TRAK2: variants seen among roughly 807,000 people sequenced by gnomAD.
The protein encoded by TRAK2 is trafficking kinesin protein 2.
A neutral mutation model predicts 104.6 loss-of-function variants in TRAK2; 81 were observed. The ratio of observed to expected loss-of-function variants is 0.77; its 90% CI spans 0.65 to 0.93. TRAK2 has a LOEUF of 0.93. Among genes scored for constraint, TRAK2 ranks in the 40% least tolerant of loss-of-function variants. The pLI is 0.00. For synonymous variants in TRAK2, 406 were observed against 394.4 expected (o/e 1.03, Z -0.35); for missense variants, 1,002 against 1,089.0 (o/e 0.92, Z 1.12).
intron 1 of TRAK2, among the ~76,000 whole-genome samples, chr2:201,429,740 G>T (rs1456224418): frequency 6.6e-6 from 1 of 152,160 alleles, no homozygotes; most frequent in Non-Finnish European, 1.5e-5. Context: ...TCTCTATGCT[G>T]TTTATTCTAG....
intron 1 of TRAK2, among the ~76,000 whole-genome samples, chr2:201,438,855 G>T (rs1047432064): frequency 2.6e-5 from 4 of 152,182 alleles, no homozygotes; most frequent in Non-Finnish European, 5.9e-5. Context: ...TGTGTGTGTT[G>T]TATGTACATC....
In TRAK2 at chr2:201,380,326, C is replaced by G; in HGVS notation, c.*217G>C. 1.7e-6 allele frequency: 1 copy of G among 585,334 alleles called. No homozygotes were observed. Among genetic ancestry groups the G allele is most frequent in the Non-Finnish European group, 3.0e-6 (1 of 330,450 alleles). The allele number at this position is 585,334 out of a possible 1,614,324, so 36.3% of individuals were successfully genotyped here. A position where few individuals can be genotyped will look rare whatever the true frequency, so the allele number is the denominator to read the frequency against. On this transcript the variant is annotated 3_prime_UTR_variant, in exon 16 of 16. Transcript: ENST00000332624. ...TATATTAAACCTTTCTTTTCTCCCTCTGAACACTCATGGCCCATTCATTTA... is the reference window on the plus strand; with the variant it reads ...TATATTAAACCTTTCTTTTCTCCCTGTGAACACTCATGGCCCATTCATTTA...
At chr2:201,422,024 T>C (rs1247725718) in intron 1 of TRAK2, among the ~76,000 whole-genome samples, 1 of 133,342 alleles carries the variant, frequency 7.5e-6, no homozygotes, top group Non-Finnish European at 1.5e-5. Context: ...TACTCCAGCC[T>C]GGGTGACAGA....
intron 11 of TRAK2, 76 bp from the exon 12 acceptor site, chr2:201,389,579 C>T: frequency 9.8e-6 from 14 of 1,428,020 alleles, no homozygotes; most frequent in Non-Finnish European, 1.1e-5. Context: ...TATGTGCAGT[C>T]CATCAGAAAT....
rs747475851 is a variant in TRAK2, at chr2:201,381,189, C to A, written c.2099G>T (p.Ser700Ile). 1.8e-5 allele frequency: 29 copies of A among 1,610,738 alleles called. No homozygotes were observed. The South Asian group carries it at 3.1e-4, about 17-fold the overall frequency. Residue 700 changes from serine to isoleucine, a missense_variant, in exon 16 of 16, where the codon AGT becomes ATT. Ser to Ile is a moderately radical substitution (Grantham distance 142). Coordinates refer to ENST00000332624, the MANE Select transcript of TRAK2 (RefSeq NM_015049.3). ...SSGFPSLSCG[S>I]SGSSSSNTAV... is the part of the protein sequence containing the mutation. Reference sequence around the variant, plus strand: ...CGTGTTGGATGAACTGCTACCGCTACTTCCACAGGATAATGAAGGGAACCC... The same window carrying A: ...CGTGTTGGATGAACTGCTACCGCTAATTCCACAGGATAATGAAGGGAACCC...
chr2:201,405,306 T>C (rs1038788046), intron 3 of TRAK2, among the ~76,000 whole-genome samples: 18 of 152,204 alleles, frequency 1.2e-4, no homozygotes, highest in African/African-American at 4.1e-4. Context: ...ACCTACCAAT[T>C]GGAAGTAATA....
chr2:201,381,271 C>A, intron 15 of TRAK2, 53 bp from the exon 16 acceptor site: 1 of 1,487,542 alleles, frequency 6.7e-7, no homozygotes, highest in Non-Finnish European at 9.0e-7. Flanking sequence ...AAAAAGCAAG[C>A]TCCAAGCTGG....
chr2:201,397,031 G>A (rs1951508760), intron 7 of TRAK2, among the ~76,000 whole-genome samples: 1 of 152,124 alleles, frequency 6.6e-6, no homozygotes, highest in African/African-American at 2.4e-5. Flanking sequence ...TTTTCCAACT[G>A]ACTTGTTTTA....
Position 201,377,452 on chromosome 2 carries a change from G to T in TRAK2, c.*3091C>A, listed in dbSNP as rs1951298831. ...AGGTCTGCATGCATCTGACATCAGA[G>T]AAGTGGCCCACTAAACACTAAGAGC... On this transcript the variant is annotated 3_prime_UTR_variant, in exon 16 of 16. Transcript: ENST00000332624. 1 of 152,200 alleles carries T rather than the reference G, an allele frequency of 6.6e-6. No homozygotes were observed. The highest frequency in any genetic ancestry group is 2.4e-5 in the African/African-American group (1 of 41,446). The allele number at this position is 152,200 out of a possible 1,614,324, so 9.4% of individuals were successfully genotyped here.
intron 2 of TRAK2, chr2:201,411,410 C>A: frequency 1.3e-6 from 1 of 746,062 alleles, no homozygotes; most frequent in South Asian, 1.3e-5. Flanking sequence ...TTTGCTGATT[C>A]CCAATATTTG....
At chr2:201,388,403 C>T (rs146467930) in intron 12 of TRAK2, among the ~76,000 whole-genome samples, 60 of 151,982 alleles carry the variant, frequency 3.9e-4, no homozygotes, top group Middle Eastern at 3.4e-3. Flanking sequence ...GAAAAAAACG[C>T]TACGGATTAA....
intron 13 of TRAK2, among the ~76,000 whole-genome samples, chr2:201,386,741 T>A (rs1951394994): frequency 6.6e-6 from 1 of 152,110 alleles, no homozygotes; most frequent in African/African-American, 2.4e-5. Flanking sequence ...GGAGACACCC[T>A]TAATAGGAAA....
intron 1 of TRAK2, among the ~76,000 whole-genome samples, chr2:201,431,396 C>G (rs1172896549): frequency 1.3e-5 from 2 of 152,190 alleles, no homozygotes; most frequent in African/African-American, 4.8e-5. Context: ...AAGAGTTATG[C>G]CCCCTCCCTC....
chr2:201,434,201 C>T (rs189926059), intron 1 of TRAK2, among the ~76,000 whole-genome samples: 126 of 152,274 alleles, frequency 8.3e-4, no homozygotes, highest in African/African-American at 2.8e-3. Context: ...TCGTGATCCG[C>T]CCACCTCAGC....
intron 13 of TRAK2, 57 bp downstream of exon 13, chr2:201,387,646 G>T (rs1483594432): frequency 2.0e-6 from 3 of 1,476,524 alleles, no homozygotes; most frequent in Non-Finnish European, 2.7e-6. Flanking sequence ...TCAATTCCAG[G>T]GAAAGGAACT....
chr2:201,441,602 T>C (rs535934119), intron 1 of TRAK2, among the ~76,000 whole-genome samples: 5 of 152,220 alleles, frequency 3.3e-5, no homozygotes, highest in South Asian at 2.1e-4. Flanking sequence ...TTGGGAACAG[T>C]AGTAGCATCT....
chr2:201,384,370 T>G (rs975078453), intron 14 of TRAK2, among the ~76,000 whole-genome samples, 154 bp from the exon 15 acceptor site: 2 of 152,174 alleles, frequency 1.3e-5, no homozygotes, highest in Non-Finnish European at 2.9e-5. Context: ...TACATAAAGA[T>G]TGTACTAGTA....
In TRAK2 at chr2:201,377,754, T is replaced by C. The variant is rs148092658; in HGVS notation, c.*2789A>G. Reference sequence around the variant, plus strand: ...GGACTCATGCCTAAGGTTATTTACATAAGATTTGGGATCTTCATAATTTAG... The same window carrying C: ...GGACTCATGCCTAAGGTTATTTACACAAGATTTGGGATCTTCATAATTTAG... On this transcript the variant is annotated 3_prime_UTR_variant, in exon 16 of 16. Coordinates refer to ENST00000332624, the MANE Select transcript of TRAK2 (RefSeq NM_015049.3). 7.9e-5 allele frequency: 12 copies of C among 152,668 alleles called. No individual in the cohort carries two copies. The highest frequency in any genetic ancestry group is 2.9e-4 in the African/African-American group (12 of 41,540). The allele number at this position is 152,668 out of a possible 1,614,324, so 9.5% of individuals were successfully genotyped here.
intron 2 of TRAK2, among the ~76,000 whole-genome samples, chr2:201,416,763 G>A (rs1489619282): frequency 2.0e-5 from 3 of 151,972 alleles, no homozygotes; most frequent in Non-Finnish European, 4.4e-5. Flanking sequence ...TTGAAGATGG[G>A]CTTTGATAAG....
Sources: gnomAD v4.1 joint callset for allele counts (sites outside exome capture counted in the v4.1 genomes callset) on GRCh38, gnomAD v4.1.1 for gene constraint, MANE v1.5 for transcripts, NCBI Gene and HGNC (gene_info 2026-07-23, HGNC 2026-07-21) for gene names.